MLH3: variants seen among roughly 807,000 people sequenced by gnomAD.
MLH3 encodes the protein DNA mismatch repair protein Mlh3.
In MLH3, 82 loss-of-function variants were observed where a neutral mutation model predicts 122.2. The ratio of observed to expected loss-of-function variants is 0.67; its 90% CI spans 0.56 to 0.81. The LOEUF (loss-of-function observed/expected upper bound fraction) is 0.81. Among genes scored for constraint, MLH3 ranks in the 30% least tolerant of loss-of-function variants. MLH3 has a pLI of 0.00. For synonymous variants in MLH3, 524 were observed against 599.5 expected (o/e 0.87, Z 1.84); for missense variants, 1,539 against 1,714.5 (o/e 0.90, Z 1.81).
In MLH3 at chr14:75,014,089, C is replaced by G. The variant is rs908042045; in HGVS notation, c.*2993G>C. ...TGCCATGACTGGCTCCCACCCGAAG[C>G]TTCAGCTGAGCTGGCTTGTCAGGGC... is the stretch of plus-strand genomic sequence containing the variant. On this transcript the variant is annotated 3_prime_UTR_variant, in exon 13 of 13. Coordinates refer to ENST00000355774, the MANE Select transcript of MLH3 (RefSeq NM_001040108.2). The G allele has an allele frequency of 1.7e-5, 3 of 178,166 alleles. No individual in the cohort carries two copies. Among genetic ancestry groups the G allele is most frequent in the Non-Finnish European group, 3.6e-5 (3 of 83,088 alleles). The allele number at this position is 178,166 out of a possible 1,614,324, so 11.0% of individuals were successfully genotyped here. A position where few individuals can be genotyped will look rare whatever the true frequency, so the allele number is the denominator to read the frequency against.
chr14:75,040,386 C>CT (rs1377493101), intron 4 of MLH3, among the ~76,000 whole-genome samples: 3 of 122,514 alleles, frequency 2.4e-5, no homozygotes, highest in African/African-American at 9.3e-5. Flanking sequence ...GGAGGCGGAG[C>CT]TTGCAGTGAG....
intron 4 of MLH3, among the ~76,000 whole-genome samples, chr14:75,041,163 G>A (rs1422947021): frequency 6.6e-6 from 1 of 152,112 alleles, no homozygotes; most frequent in Non-Finnish European, 1.5e-5. Flanking sequence ...TGAACTTCTG[G>A]CCTCAAGTGA....
intron 9 of MLH3, among the ~76,000 whole-genome samples, chr14:75,027,674 A>C (rs545964467): frequency 3.4e-4 from 46 of 135,858 alleles, no homozygotes; most frequent in African/African-American, 1.1e-3. Flanking sequence ...TAAAAAAAAA[A>C]AAAAAAAAAA....
intron 9 of MLH3, among the ~76,000 whole-genome samples, chr14:75,027,694 A>AAAAAAC (rs1890746541): frequency 6.7e-6 from 1 of 148,468 alleles, no homozygotes; most frequent in African/African-American, 2.5e-5. Context: ...AAAAAAAAAA[A>AAAAAAC]CCCAAAAGAA....
intron 6 of MLH3, among the ~76,000 whole-genome samples, chr14:75,035,194 A>T (rs77604756): frequency 6.6e-6 from 1 of 151,948 alleles, no homozygotes; most frequent in Non-Finnish European, 1.5e-5. Context: ...TTCTGATCTC[A>T]AAAACAACAA....
At position 75,047,198 on chromosome 14, in the gene MLH3, G is replaced by C. The variant is rs2139562177; in HGVS notation, c.2458C>G (p.Pro820Ala). ...TCTGAGTTAAGGATGTGGCTTGCTG[G>C]TTGACAACTACTATCTGAATCACTA... ...EHSDSDSSCQPASHILNSEKF... is the reference protein window; with the variant it reads ...EHSDSDSSCQAASHILNSEKF... Residue 820 changes from proline (P) to alanine (A), a missense_variant, in exon 2 of 13, where the codon CCA (proline) becomes GCA (alanine). Transcript: ENST00000355774. The C allele has an allele frequency of 6.2e-7, 1 of 1,614,080 alleles. No homozygotes were observed. Among genetic ancestry groups the C allele is most frequent in the Non-Finnish European group, 8.5e-7 (1 of 1,179,978 alleles).
chr14:75,047,634 A>G lies in MLH3; in HGVS notation c.2022T>C (p.Asn674=), dbSNP rs544782025. The part of the protein sequence containing the change: ...KESGQLPNKK[N]CRTNISYGLE... ...GCCCATAACTTATATTCGTTCTGCA[A>G]TTTTTTTTGTTGGGCAATTGACCAG... is the stretch of plus-strand genomic sequence containing the variant. The change falls in exon 2 of 13, where the codon AAT becomes AAC. Residue 674 remains asparagine, a synonymous_variant. Coordinates refer to ENST00000355774, the MANE Select transcript of MLH3 (RefSeq NM_001040108.2). 6.2e-7 allele frequency: 1 copy of G among 1,613,546 alleles called. No individual in the cohort carries two copies. The highest frequency in any genetic ancestry group is 8.5e-7 in the Non-Finnish European group (1 of 1,179,764).
In MLH3 at chr14:75,047,111, T is replaced by C; in HGVS notation, c.2545A>G (p.Ser849Gly). ...LEQQMPSLRE[S>G]PMTLKELSLF... Reference sequence around the variant, plus strand: ...GATAACTCCTTCAGGGTCATAGGACTTTCTCTCAAACTAGGCATCTGTTGT... The same window carrying C: ...GATAACTCCTTCAGGGTCATAGGACCTTCTCTCAAACTAGGCATCTGTTGT... The change falls in exon 2 of 13, where the codon AGT becomes GGT. Residue 849 changes from serine (S) to glycine (G), a missense_variant. Ser to Gly is a moderately conservative substitution (Grantham distance 56). Transcript: ENST00000355774. 6.2e-7 allele frequency: 1 copy of C among 1,614,196 alleles called. No individual in the cohort carries two copies. The highest frequency in any genetic ancestry group is 8.5e-7 in the Non-Finnish European group (1 of 1,180,010).
rs1889914325 is a variant in MLH3 at position 75,016,837 on chromosome 14, T to C, written c.*245A>G. 5 of 500,678 alleles carry C rather than the reference T, an allele frequency of 1.0e-5. No individual in the cohort carries two copies. The South Asian group carries it at 1.0e-4, about 10-fold the overall frequency. The allele number at this position is 500,678 out of a possible 1,614,324, so 31.0% of individuals were successfully genotyped here. A position where few individuals can be genotyped will look rare whatever the true frequency, so the allele number is the denominator to read the frequency against. On this transcript the variant is annotated 3_prime_UTR_variant, in exon 13 of 13. Coordinates refer to ENST00000355774, the MANE Select transcript of MLH3 (RefSeq NM_001040108.2). ...TAAGTAGCAAAAGGTAGATACTATA[T>C]AGCAACCTTCTGTGCCCATGGATGC...
intron 6 of MLH3, among the ~76,000 whole-genome samples, chr14:75,037,671 G>C (rs974929619): frequency 2.5e-4 from 38 of 152,032 alleles, no homozygotes; most frequent in African/African-American, 8.9e-4. Flanking sequence ...ATAAAAGATG[G>C]GCTGGGCGTG....
chr14:75,016,251 G>A lies in MLH3; in HGVS notation c.*831C>T, dbSNP rs1889879431. The A allele has an allele frequency of 4.8e-6, 1 of 208,250 alleles. No individual in the cohort carries two copies. Among genetic ancestry groups the A allele is most frequent in the Non-Finnish European group, 9.8e-6 (1 of 102,460 alleles). The allele number at this position is 208,250 out of a possible 1,614,324, so 12.9% of individuals were successfully genotyped here. A position where few individuals can be genotyped will look rare whatever the true frequency, so the allele number is the denominator to read the frequency against. On this transcript the variant is annotated 3_prime_UTR_variant, in exon 13 of 13. Transcript: ENST00000355774. ...TGAAAGAAAAAGTGTAAAGATATTT[G>A]GTTAGGTTGAACGTATGTATGCTGT...
At chr14:75,036,623 C>T (rs922324057) in intron 6 of MLH3, 7 of 455,592 alleles carry the variant, frequency 1.5e-5, no homozygotes, top group East Asian at 1.4e-4. Flanking sequence ...GGATTACAGG[C>T]GTGAGCCACC....
rs1259483401 is a variant in MLH3 at position 75,045,148 on chromosome 14, G to A, written c.3280+1228C>T. Among the ~76,000 whole-genome samples the A allele has an allele frequency of 7.9e-5, 12 of 152,210 alleles. No individual in the cohort carries two copies. The South Asian group carries it at 2.3e-3, about 29-fold the overall frequency. The stretch of plus-strand genomic sequence containing the variant: ...AGATCGAGACAAGCCTGGCCAACAC[G>A]GTAAAACCCTGTCTCTACAAAAACA... On this transcript the variant is annotated intron_variant, in intron 2 of 12. Transcript: ENST00000355774.
intron 6 of MLH3, 115 bp downstream of exon 6, chr14:75,038,225 G>A (rs749625333): frequency 1.3e-6 from 1 of 781,610 alleles, no homozygotes; most frequent in East Asian, 2.7e-5. Flanking sequence ...TTTTAGATTG[G>A]CTTTCCCTAA....
chr14:75,024,354 A>G (rs1890486927), intron 9 of MLH3, among the ~76,000 whole-genome samples: 1 of 152,010 alleles, frequency 6.6e-6, no homozygotes, highest in Admixed American at 6.6e-5. Context: ...ATCATGCACC[A>G]CCACGCCTGG....
At chr14:75,027,231 A>C (rs1448974791) in intron 9 of MLH3, among the ~76,000 whole-genome samples, 3 of 152,150 alleles carry the variant, frequency 2.0e-5, no homozygotes, top group South Asian at 4.2e-4. Context: ...GACAAAATAA[A>C]GATACTTTAA....
chr14:75,046,450 G>T lies in MLH3; in HGVS notation c.3206C>A (p.Ala1069Asp), dbSNP rs1892226746. ...NKMTGLSTFIAPTEDIQAACT... is the reference protein window; with the variant it reads ...NKMTGLSTFIDPTEDIQAACT... ...AGCAGCCTGAATGTCCTCAGTTGGG[G>T]CAATGAATGTGCTGAGTCCAGTCAT... Residue 1069 changes from alanine to aspartate, a missense_variant, in exon 2 of 13, where the codon GCC becomes GAC. Physicochemically the swap from Ala to Asp is moderately radical, Grantham distance 126. Coordinates refer to ENST00000355774, the MANE Select transcript of MLH3 (RefSeq NM_001040108.2). 2 of 1,614,012 alleles carry T rather than the reference G, an allele frequency of 1.2e-6. No individual in the cohort carries two copies. Among genetic ancestry groups the T allele is most frequent in the African/African-American group, 2.7e-5 (2 of 74,912 alleles).
intron 7 of MLH3, 39 bp downstream of exon 7, chr14:75,033,380 G>T (rs982162404): frequency 6.5e-7 from 1 of 1,542,416 alleles, no homozygotes. Flanking sequence ...GATTCTGCTG[G>T]GAGTCTCAAA....
At chr14:75,037,862 C>G (rs1891527592) in intron 6 of MLH3, among the ~76,000 whole-genome samples, 1 of 152,046 alleles carries the variant, frequency 6.6e-6, no homozygotes, top group African/African-American at 2.4e-5. Context: ...TTTTCACTCC[C>G]AAAGTAAATA....
Sources: gnomAD v4.1 joint callset for allele counts (sites outside exome capture counted in the v4.1 genomes callset) on GRCh38, gnomAD v4.1.1 for gene constraint, MANE v1.5 for transcripts, NCBI Gene and HGNC (gene_info 2026-07-23, HGNC 2026-07-21) for gene names.